PLVAP: variants seen among roughly 807,000 people sequenced by gnomAD.
The protein encoded by PLVAP is plasmalemma vesicle-associated protein.
In PLVAP, 34 loss-of-function variants were observed where a neutral mutation model predicts 43.1. The observed-to-expected ratio is 0.79, with a 90% CI of 0.60 to 1.05. The LOEUF (loss-of-function observed/expected upper bound fraction) is 1.05, where lower values mean the gene tolerates loss of function less well. PLVAP is among the 50% of genes least tolerant of loss of function. The probability of loss-of-function intolerance (pLI) is 0.00; values close to 1 mark genes in which losing one functional copy is unlikely to be tolerated. For missense variants in PLVAP, 574 were observed against 593.4 expected (o/e 0.97, Z 0.34); for synonymous variants, 241 against 237.3 (o/e 1.02, Z -0.14).
At position 17,377,009 on chromosome 19, in the gene PLVAP, C is replaced by T. The variant is rs766188433; in HGVS notation, c.280G>A (p.Ala94Thr). 20 of 1,613,956 alleles carry T rather than the reference C, an allele frequency of 1.2e-5. No homozygotes were observed. Among genetic ancestry groups the T allele is most frequent in the Non-Finnish European group, 1.5e-5 (18 of 1,180,016 alleles). ...LTKELNFTTRAKDAIMQMWLN... is the reference protein window; with the variant it reads ...LTKELNFTTRTKDAIMQMWLN... ...CACATCTGCATGATGGCATCCTTGG[C>T]GCGGGTGGTGAAGTTGAGCTCCTTG... The change falls in exon 1 of 6, where the codon GCC (alanine) becomes ACC (threonine). Residue 94 changes from alanine (A) to threonine (T), a missense_variant. By Grantham distance (58) the Ala-to-Thr change is moderately conservative. Transcript: ENST00000252590.
rs2074549972 is a variant in PLVAP at position 17,366,293 on chromosome 19, C to A, written c.370-98G>T. The A allele has an allele frequency of 3.5e-6, 4 of 1,141,950 alleles. No individual in the cohort carries two copies. The Admixed American group carries it at 5.5e-5, about 16-fold the overall frequency. 70.7% of individuals were successfully genotyped at this position (1,141,950 alleles called of 1,614,324 possible). A position where few individuals can be genotyped will look rare whatever the true frequency, so the allele number is the denominator to read the frequency against. On this transcript the variant is annotated intron_variant, in intron 1 of 5. Coordinates refer to ENST00000252590, the MANE Select transcript of PLVAP (RefSeq NM_031310.3). ...CGAGCACCCTGGTGGCCAGAGTGAG[C>A]TGAGTTCACAAGGGCATGGTCCCTT...
chr19:17,370,657 T>C (rs903738338), intron 1 of PLVAP, among the ~76,000 whole-genome samples: 2 of 152,118 alleles, frequency 1.3e-5, no homozygotes, highest in African/African-American at 4.8e-5. Context: ...GGGAAGTGAC[T>C]GCTGATGGGG....
chr19:17,377,251 C>G lies in PLVAP; in HGVS notation c.38G>C (p.Arg13Pro). Reference sequence around the variant, plus strand: ...GCAGCCCCGAGAGCTGCCCCCCGCCCGAGCGTAGGACCCTCCGTGCTCCAT... The same window carrying G: ...GCAGCCCCGAGAGCTGCCCCCCGCCGGAGCGTAGGACCCTCCGTGCTCCAT... ...LAMEHGGSYA[R>P]AGGSSRGCWY... The change falls in exon 1 of 6, where the codon CGG becomes CCG. Residue 13 changes from arginine (R) to proline (P), a missense_variant. Transcript: ENST00000252590. 3.1e-6 allele frequency: 5 copies of G among 1,613,888 alleles called. No individual in the cohort carries two copies. The highest frequency in any genetic ancestry group is 4.2e-6 in the Non-Finnish European group (5 of 1,179,878).
chr19:17,374,821 TG>T (rs1293250329), intron 1 of PLVAP, among the ~76,000 whole-genome samples: 26 of 146,648 alleles, frequency 1.8e-4, no homozygotes, highest in East Asian at 4.3e-4. Context: ...TATGTATGTA[TG>T]TATGTATTTA....
Position 17,360,554 on chromosome 19 carries a change from A to G in PLVAP, c.1296T>C (p.Pro432=), listed in dbSNP as rs117401486. The G allele has an allele frequency of 0.013, 20,339 of 1,614,030 alleles. 185 individuals are homozygous for G. The highest frequency in any genetic ancestry group is 0.015 in the Non-Finnish European group (17,291 of 1,179,938). Reference sequence around the variant, plus strand: ...TGGATGGGGCTACAGGGATGCCTGCAGGGGGCCTCTGGGACTCCAGGATCT... The same window carrying G: ...TGGATGGGGCTACAGGGATGCCTGCGGGGGGCCTCTGGGACTCCAGGATCT... ...KRKILESQRP[P]AGIPVAPSSG The change falls in exon 5 of 6, where the codon CCT becomes CCC. Residue 432 remains proline, a synonymous_variant. Transcript: ENST00000252590.
intron 5 of PLVAP, among the ~76,000 whole-genome samples, chr19:17,358,453 AG>A (rs1358808613): frequency 1.3e-5 from 2 of 152,128 alleles, no homozygotes; most frequent in Non-Finnish European, 1.5e-5. Context: ...TTGGGGTCAA[AG>A]GGATCTGACT....
At chr19:17,352,884 T>G (rs746821443) in intron 5 of PLVAP, among the ~76,000 whole-genome samples, 5 of 152,168 alleles carry the variant, frequency 3.3e-5, no homozygotes, top group Admixed American at 2.6e-4. Context: ...AACGTGGCAT[T>G]CAGGGCTCCA....
chr19:17,374,293 G>A (rs1376307866), intron 1 of PLVAP, among the ~76,000 whole-genome samples: 4 of 151,976 alleles, frequency 2.6e-5, no homozygotes, highest in East Asian at 3.9e-4. Flanking sequence ...AGTGAAACCC[G>A]GTCTCTACTA....
chr19:17,377,251 C>A lies in PLVAP; in HGVS notation c.38G>T (p.Arg13Leu). The A allele has an allele frequency of 6.2e-7, 1 of 1,613,888 alleles. No individual in the cohort carries two copies. The highest frequency in any genetic ancestry group is 8.5e-7 in the Non-Finnish European group (1 of 1,179,878). ...GCAGCCCCGAGAGCTGCCCCCCGCCCGAGCGTAGGACCCTCCGTGCTCCAT... is the reference window on the plus strand; with the variant it reads ...GCAGCCCCGAGAGCTGCCCCCCGCCAGAGCGTAGGACCCTCCGTGCTCCAT... Reference protein sequence around the residue: ...LAMEHGGSYARAGGSSRGCWY... With the variant: ...LAMEHGGSYALAGGSSRGCWY... Residue 13 changes from arginine to leucine, a missense_variant, in exon 1 of 6, where the codon CGG becomes CTG. Arg to Leu is a moderately radical substitution (Grantham distance 102). Transcript: ENST00000252590.
intron 5 of PLVAP, among the ~76,000 whole-genome samples, chr19:17,353,135 C>T (rs1568372047): frequency 1.3e-5 from 2 of 152,180 alleles, no homozygotes; most frequent in South Asian, 2.1e-4. Flanking sequence ...GGCTAAGTCC[C>T]GCTTCCGCTG....
Position 17,377,316 on chromosome 19 carries a change from G to C in PLVAP, c.-28C>G, listed in dbSNP as rs760470894. ...GCTCGATCCCGCCGTCCGGTGCACC[G>C]TCCCTGCTCACCACCAGGCCTGCTC... On this transcript the variant is annotated 5_prime_UTR_variant, in exon 1 of 6. Coordinates refer to ENST00000252590, the MANE Select transcript of PLVAP (RefSeq NM_031310.3). 6.4e-7 allele frequency: 1 copy of C among 1,568,838 alleles called. No individual in the cohort carries two copies. Among genetic ancestry groups the C allele is most frequent in the Non-Finnish European group, 8.7e-7 (1 of 1,146,730 alleles).
intron 5 of PLVAP, among the ~76,000 whole-genome samples, chr19:17,356,271 C>T (rs1303541255): frequency 6.6e-6 from 1 of 152,122 alleles, no homozygotes; most frequent in African/African-American, 2.4e-5. Context: ...GATTGCGCCA[C>T]TGCACTCCAG....
chr19:17,355,309 T>C (rs2074502574), intron 5 of PLVAP, among the ~76,000 whole-genome samples: 1 of 151,606 alleles, frequency 6.6e-6, no homozygotes, highest in South Asian at 2.1e-4. Context: ...CCCATTGCAA[T>C]TTTTGCCATA....
chr19:17,352,112 AT>A lies in PLVAP; in HGVS notation c.*249del. 1.8e-6 allele frequency: 1 copy of A among 552,450 alleles called. No individual in the cohort carries two copies. The highest frequency in any genetic ancestry group is 3.3e-6 in the Non-Finnish European group (1 of 305,274). 34.2% of individuals were successfully genotyped at this position (552,450 alleles called of 1,614,324 possible). A position where few individuals can be genotyped will look rare whatever the true frequency, so the allele number is the denominator to read the frequency against. Reference sequence around the variant, plus strand: ...GCCACGTGACGCCATCACCACGGTGATATGTGACGTCAGCGCCGTTGCTTGC... The same window carrying A: ...GCCACGTGACGCCATCACCACGGTGAATGTGACGTCAGCGCCGTTGCTTGC... On this transcript the variant is annotated 3_prime_UTR_variant, in exon 6 of 6. Coordinates refer to ENST00000252590, the MANE Select transcript of PLVAP (RefSeq NM_031310.3).
chr19:17,365,295 G>A lies in PLVAP; in HGVS notation c.1170C>T (p.Ile390=). The A allele has an allele frequency of 1.9e-6, 3 of 1,609,954 alleles. No homozygotes were observed. ...AIRNSALDTC[I]KTKSQPMMPV... ...GGGCCTGCAAGCCCACCTTGGTCTT[G>A]ATGCAGGTGTCCAGGGCTGAGTTTC... The change falls in exon 3 of 6, where the codon ATC becomes ATT. Residue 390 remains isoleucine, a synonymous_variant. Transcript: ENST00000252590.
At chr19:17,369,365 T>C (rs2074562838) in intron 1 of PLVAP, among the ~76,000 whole-genome samples, 1 of 150,036 alleles carries the variant, frequency 6.7e-6, no homozygotes, top group Non-Finnish European at 1.5e-5. Context: ...TTTGTATTTT[T>C]AGTAGAGACA....
At position 17,365,768 on chromosome 19, in the gene PLVAP, A is replaced by C; in HGVS notation, c.697T>G (p.Phe233Val). The stretch of plus-strand genomic sequence containing the variant: ...CACAGGTTACGAAGGTCCATCTCAA[A>C]CTTGTCCTTGTCCAGGGGCAGGCAG... ...ALCLPLDKDK[F>V]EMDLRNLWRD... Residue 233 changes from phenylalanine to valine, a missense_variant, in exon 3 of 6, where the codon TTT becomes GTT. By Grantham distance (50) the Phe-to-Val change is conservative. Transcript: ENST00000252590. The C allele has an allele frequency of 6.2e-7, 1 of 1,613,988 alleles. No individual in the cohort carries two copies. Among genetic ancestry groups the C allele is most frequent in the East Asian group, 2.2e-5 (1 of 44,820 alleles).
intron 3 of PLVAP, among the ~76,000 whole-genome samples, chr19:17,364,764 C>CTTTT (rs71162109): frequency 3.4e-5 from 3 of 87,310 alleles, no homozygotes; most frequent in Non-Finnish European, 4.2e-5. Context: ...TAATTCCAGT[C>CTTTT]TTTTTTTTTT....
chr19:17,358,274 A>G, intron 5 of PLVAP, among the ~76,000 whole-genome samples: 1 of 151,452 alleles, frequency 6.6e-6, no homozygotes, highest in African/African-American at 2.4e-5. Flanking sequence ...AAGGAAAAAA[A>G]AAAAAAAGAA....
Sources: allele counts gnomAD v4.1 joint callset (sites outside exome capture counted in the v4.1 genomes callset), GRCh38; gene constraint gnomAD v4.1.1; transcripts MANE v1.5; gene names NCBI Gene and HGNC (gene_info 2026-07-23, HGNC 2026-07-21).